Variants in ABCB4 observed in about 807,000 individuals in gnomAD.
ABCB4 encodes the protein ATP binding cassette subfamily B member 4.
A neutral mutation model predicts 145.7 loss-of-function variants in ABCB4; 76 were observed. That is an observed-to-expected ratio of 0.52 (90% CI 0.43 to 0.63). The LOEUF is 0.63. ABCB4 is among the 30% of genes least tolerant of loss of function. The pLI is 0.00. For synonymous variants in ABCB4, 517 were observed against 566.8 expected, an observed-to-expected ratio of 0.91 and a Z score of 1.25; for missense variants, 1,234 against 1,553.1, an observed-to-expected ratio of 0.79 and a Z score of 3.45.
At position 87,411,894 on chromosome 7, in the gene ABCB4, G is replaced by C. The variant is rs759787957; in HGVS notation, c.2923C>G (p.Leu975Val). 17 of 1,613,206 alleles carry C rather than the reference G, an allele frequency of 1.1e-5. No individual in the cohort carries two copies. Among genetic ancestry groups the C allele is most frequent in the Non-Finnish European group, 1.4e-5 (16 of 1,179,500 alleles). ...NGHMRFRDVI[L>V]VFSAIVFGAV... ...CTTAATATTTCTAAAGCTACTTACA[G>C]AATAACATCTCTGAAGCGCATATGT... Residue 975 changes from leucine to valine, a missense_variant and splice_region_variant, in exon 23 of 28, where the codon CTG (leucine) becomes GTG (valine). Leu to Val is a conservative substitution (Grantham distance 32, BLOSUM62 1). This residue lies in a region of ABCB4 where 301 missense variants were observed against 389.0 expected (regional missense o/e 0.77). Coordinates refer to ENST00000649586, the MANE Select transcript of ABCB4 (RefSeq NM_000443.4).
chr7:87,409,299 G>A lies in ABCB4; in HGVS notation c.3018C>T (p.His1006=), dbSNP rs1213762979. ...DYAKAKLSAA[H]LFMLFERQPL... ...GTTGTCTTTCAAACAGCATGAATAA[G>A]TGGGCTGCAGACAGCTTAGCTTTAG... Residue 1006 remains histidine (H), a synonymous_variant, in exon 24 of 28, where the codon CAC becomes CAT. Coordinates refer to ENST00000649586, the MANE Select transcript of ABCB4 (RefSeq NM_000443.4). 3 of 1,614,112 alleles carry A rather than the reference G, an allele frequency of 1.9e-6. No homozygotes were observed. Among genetic ancestry groups the A allele is most frequent in the Non-Finnish European group, 2.5e-6 (3 of 1,179,996 alleles).
chr7:87,439,704 G>A lies in ABCB4; in HGVS notation c.1694C>T (p.Thr565Ile). ...TGCCTGTACCTCAGCTTCACTTTCT[G>A]TGTCCAATGCTGACGTGGCCTCATC... is the stretch of plus-strand genomic sequence containing the variant. ...LLDEATSALD[T>I]ESEAEVQAAL... The change falls in exon 14 of 28, where the codon ACA becomes ATA. Residue 565 changes from threonine to isoleucine, a missense_variant. Thr to Ile is a moderately conservative substitution (Grantham distance 89, BLOSUM62 -1). Transcript: ENST00000649586. 6.2e-7 allele frequency: 1 copy of A among 1,614,096 alleles called. No individual in the cohort carries two copies. Among genetic ancestry groups the A allele is most frequent in the Non-Finnish European group, 8.5e-7 (1 of 1,180,004 alleles).
the ABCB4 span, among the ~76,000 whole-genome samples, chr7:87,376,699 G>T: frequency 7.4e-5 from 11 of 149,064 alleles, no homozygotes; most frequent in Non-Finnish European, 1.3e-4. Flanking sequence ...ATGCAGTGTT[G>T]TTCAAAGTTT....
intron 15 of ABCB4, among the ~76,000 whole-genome samples, chr7:87,430,761 A>G (rs1483454350): frequency 6.6e-6 from 1 of 152,194 alleles, no homozygotes; most frequent in Non-Finnish European, 1.5e-5. Context: ...TCCTGACCTC[A>G]GGTGATCTGC....
At chr7:87,395,717 T>A in the ABCB4 span, among the ~76,000 whole-genome samples, 1 of 152,178 alleles carries the variant, frequency 6.6e-6, no homozygotes, top group Non-Finnish European at 1.5e-5. Context: ...TTTAAAGTTG[T>A]TTTGATTTTG....
chr7:87,475,852 C>T (rs1401771901), upstream of ABCB4: 1 of 153,252 alleles, frequency 6.5e-6, no homozygotes, highest in Admixed American at 6.6e-5. Flanking sequence ...TAGGCGCGGG[C>T]CAGGGGCGCA....
the ABCB4 span, chr7:87,369,545 A>G: frequency 4.7e-6 from 5 of 1,070,780 alleles, no homozygotes; most frequent in Admixed American, 8.7e-5. Flanking sequence ...ATTAAAATAT[A>G]CATGTTTAGA....
At position 87,440,402 on chromosome 7, in the gene ABCB4, T is replaced by C. The variant is rs1810897881; in HGVS notation, c.1357A>G (p.Ile453Val). The C allele has an allele frequency of 1.2e-6, 2 of 1,613,056 alleles. No individual in the cohort carries two copies. The highest frequency in any genetic ancestry group is 1.7e-6 in the Non-Finnish European group (2 of 1,179,194). Residue 453 changes from isoleucine to valine, a missense_variant and splice_region_variant, in exon 13 of 28, where the codon ATT (isoleucine) becomes GTT (valine). Physicochemically the swap from Ile to Val is conservative, Grantham distance 29. Transcript: ENST00000649586. Reference sequence around the variant, plus strand: ...CTAATATCCTGCCCATCAATGTTAATCTGAAAGAAAGAAATATTTCCTATT... The same window carrying C: ...CTAATATCCTGCCCATCAATGTTAACCTGAAAGAAAGAAATATTTCCTATT... ...QRLYDPDEGT[I>V]NIDGQDIRNF... is the part of the protein sequence containing the mutation.
chr7:87,382,450 C>T, the ABCB4 span: 1 of 1,613,794 alleles, frequency 6.2e-7, no homozygotes, highest in Non-Finnish European at 8.5e-7. Flanking sequence ...GCCTTTACAT[C>T]TTTTGGCAAA....
chr7:87,451,521 A>G, intron 7 of ABCB4, 102 bp downstream of exon 7: 1 of 1,289,634 alleles, frequency 7.8e-7, no homozygotes, highest in Non-Finnish European at 1.1e-6. Flanking sequence ...TTCAACTGAC[A>G]TTTAATGTAG....
intron 26 of ABCB4, among the ~76,000 whole-genome samples, chr7:87,405,417 T>C (rs886184532): frequency 2.7e-5 from 4 of 147,124 alleles, no homozygotes; most frequent in African/African-American, 4.9e-5. Context: ...GAGATGAGAA[T>C]GTTCTGTATC....
chr7:87,423,654 TGAA>T, intron 17 of ABCB4: 1 of 486,398 alleles, frequency 2.1e-6, no homozygotes, highest in Non-Finnish European at 3.7e-6. Context: ...TTTCACCAAA[TGAA>T]GAGAGCTCAT....
intron 3 of ABCB4, among the ~76,000 whole-genome samples, chr7:87,468,798 G>A (rs921792859): frequency 2.6e-5 from 4 of 151,986 alleles, no homozygotes; most frequent in Admixed American, 1.3e-4. Flanking sequence ...AGGCGTGGTG[G>A]TGGGGACCTG....
At chr7:87,386,450 A>G in the ABCB4 span, among the ~76,000 whole-genome samples, 3 of 152,158 alleles carry the variant, frequency 2.0e-5, no homozygotes, top group Non-Finnish European at 2.9e-5. Flanking sequence ...GTTGGCATAT[A>G]GTTACTCATA....
At chr7:87,439,551 A>T (rs1409206223) in intron 14 of ABCB4, 116 bp downstream of exon 14, 2 of 1,193,404 alleles carry the variant, frequency 1.7e-6, no homozygotes, top group African/African-American at 3.0e-5. Flanking sequence ...ATACAGCTCC[A>T]TGAGGTAGCT....
At chr7:87,469,324 C>A (rs756241954) in intron 3 of ABCB4, among the ~76,000 whole-genome samples, 21 of 152,162 alleles carry the variant, frequency 1.4e-4, no homozygotes, top group Non-Finnish European at 2.1e-4. Flanking sequence ...AGACAGGATG[C>A]CCTCTCTCAC....
Position 87,442,265 on chromosome 7 carries a change from C to T in ABCB4, c.1356+1054G>A, listed in dbSNP as rs45585439. Among the ~76,000 whole-genome samples, 184 of 151,984 alleles carry T rather than the reference C, an allele frequency of 1.2e-3. 1 individual carries two copies. The highest frequency in any genetic ancestry group is 4.1e-3 in the African/African-American group (169 of 41,482). ...TCCCCCATAGTAATATCAGATTTTT[C>T]CAATAATATTAATTTTATTAAATTA... On this transcript the variant is annotated intron_variant, in intron 12 of 27. Coordinates refer to ENST00000649586, the MANE Select transcript of ABCB4 (RefSeq NM_000443.4).
At chr7:87,469,170 A>G (rs1813174426) in intron 3 of ABCB4, among the ~76,000 whole-genome samples, 2 of 152,168 alleles carry the variant, frequency 1.3e-5, no homozygotes, top group Admixed American at 1.3e-4. Flanking sequence ...ACAAAATTCA[A>G]CAGCCATTCA....
At chr7:87,464,363 A>T (rs1812705580) in intron 3 of ABCB4, among the ~76,000 whole-genome samples, 1 of 152,190 alleles carries the variant, frequency 6.6e-6, no homozygotes, top group Admixed American at 6.5e-5. Flanking sequence ...TGGATAAAAC[A>T]ATGGGAGCAG....
Sources: allele counts gnomAD v4.1 joint callset (sites outside exome capture counted in the v4.1 genomes callset), GRCh38; gene constraint gnomAD v4.1.1; regional missense constraint gnomAD v4.1.1; transcripts MANE v1.5; gene names NCBI Gene and HGNC (gene_info 2026-07-23, HGNC 2026-07-21).